Variants in NUDT3 observed in about 807,000 individuals in gnomAD.
NUDT3 encodes the protein nudix hydrolase 3, also known as diphosphoinositol polyphosphate phosphohydrolase 1.
NUDT3 carries 9 observed loss-of-function variants against 23.6 expected under a neutral mutation model. The observed-to-expected ratio is 0.38, with a 90% CI of 0.23 to 0.66. NUDT3 has a LOEUF of 0.66. Among genes scored for constraint, NUDT3 ranks in the 30% least tolerant of loss-of-function variants. The probability of loss-of-function intolerance (pLI) is 0.52; values close to 1 mark genes in which losing one functional copy is unlikely to be tolerated. For synonymous variants in NUDT3, 86 were observed against 82.6 expected (o/e 1.04, Z -0.22); for missense variants, 172 against 218.5 (o/e 0.79, Z 1.34).
intron 2 of NUDT3, among the ~76,000 whole-genome samples, chr6:34,295,971 C>T (rs1488160606): frequency 6.6e-6 from 1 of 152,178 alleles, no homozygotes; most frequent in Non-Finnish European, 1.5e-5. Context: ...CATGAAGCCA[C>T]CACACCAAAA....
intron 1 of NUDT3, among the ~76,000 whole-genome samples, chr6:34,357,323 AG>A (rs1445797650): frequency 1.3e-5 from 2 of 151,912 alleles, no homozygotes; most frequent in Non-Finnish European, 2.9e-5. Flanking sequence ...CCATAATAAA[AG>A]GTTTTTTTTT....
At chr6:34,343,961 A>G (rs1445457015) in intron 1 of NUDT3, among the ~76,000 whole-genome samples, 1 of 152,254 alleles carries the variant, frequency 6.6e-6, no homozygotes. Flanking sequence ...CATTAGGGAA[A>G]TGCAAAGTAA....
At chr6:34,297,760 A>ATATATTTT (rs1763535832) in intron 2 of NUDT3, among the ~76,000 whole-genome samples, 2 of 53,654 alleles carry the variant, frequency 3.7e-5, no homozygotes, top group Non-Finnish European at 6.2e-5. Context: ...TATATATATA[A>ATATATTTT]TTTTTTTTTT....
chr6:34,299,278 A>G (rs1337332997), intron 2 of NUDT3, among the ~76,000 whole-genome samples: 1 of 152,228 alleles, frequency 6.6e-6, no homozygotes, highest in Non-Finnish European at 1.5e-5. Context: ...GCAAAATTAT[A>G]CGAAAGCAGT....
At position 34,297,767 on chromosome 6, in the gene NUDT3, T is replaced by A. The variant is rs1464750222; in HGVS notation, c.211-2082A>T. On this transcript the variant is annotated intron_variant, in intron 2 of 4. Transcript: ENST00000607016. ...TATATATATATATATATAATTTTTT[T>A]TTTTTTTTTAGTAGAGACGGGGTTT... Among the ~76,000 whole-genome samples, 355 of 126,374 alleles carry A rather than the reference T, an allele frequency of 2.8e-3. 7 individuals are homozygous for A. Among genetic ancestry groups the A allele is most frequent in the African/African-American group, 6.5e-3 (213 of 32,912 alleles). 82.9% of individuals were successfully genotyped at this position (126,374 alleles called of 152,430 possible).
At chr6:34,329,284 A>C (rs1054817604) in intron 2 of NUDT3, among the ~76,000 whole-genome samples, 13 of 152,054 alleles carry the variant, frequency 8.5e-5, no homozygotes, top group African/African-American at 2.7e-4. Flanking sequence ...AAAAGAGAAC[A>C]ACCATTTTTT....
chr6:34,338,519 T>C (rs552836716), intron 2 of NUDT3, among the ~76,000 whole-genome samples: 2 of 152,346 alleles, frequency 1.3e-5, no homozygotes, highest in East Asian at 1.9e-4. Context: ...CAAATTTCTG[T>C]ATCCCCAATT....
chr6:34,331,109 G>A (rs1354224290), intron 2 of NUDT3, among the ~76,000 whole-genome samples: 1 of 152,068 alleles, frequency 6.6e-6, no homozygotes, highest in Non-Finnish European at 1.5e-5. Context: ...CCCACCTTGG[G>A]CTCCCAAAGT....
chr6:34,380,614 A>G (rs887300079), intron 1 of NUDT3, among the ~76,000 whole-genome samples: 7 of 152,204 alleles, frequency 4.6e-5, no homozygotes, highest in Non-Finnish European at 5.9e-5. Context: ...ACTGTTAGTT[A>G]CAGGGTTCAA....
chr6:34,304,045 G>A (rs925133420), intron 2 of NUDT3, among the ~76,000 whole-genome samples: 5 of 152,124 alleles, frequency 3.3e-5, no homozygotes, highest in Admixed American at 1.3e-4. Flanking sequence ...CAGAGGTCAG[G>A]AGTTCGAGAG....
intron 2 of NUDT3, among the ~76,000 whole-genome samples, chr6:34,311,031 A>G (rs77300936): frequency 0.095 from 14,444 of 151,954 alleles, 794 homozygotes; most frequent in Non-Finnish European, 0.12. Context: ...GGAACAGAGG[A>G]AGACTTCCTC....
chr6:34,350,700 AT>A (rs983740344), intron 1 of NUDT3, among the ~76,000 whole-genome samples: 4 of 150,448 alleles, frequency 2.7e-5, no homozygotes, highest in Admixed American at 2.0e-4. Context: ...ATTTAAAACT[AT>A]TTTTTTTAGC....
intron 1 of NUDT3, among the ~76,000 whole-genome samples, chr6:34,391,105 T>A (rs1420497645): frequency 1.3e-5 from 2 of 152,120 alleles, no homozygotes; most frequent in East Asian, 3.9e-4. Context: ...TAATTCAAAT[T>A]CCCACTTCCT....
intron 1 of NUDT3, among the ~76,000 whole-genome samples, chr6:34,367,886 T>C (rs1052890178): frequency 2.0e-5 from 3 of 152,152 alleles, no homozygotes; most frequent in African/African-American, 7.2e-5. Context: ...AGCTCAGGAC[T>C]GCCAGAAGAA....
At chr6:34,345,416 C>T (rs1764351214) in intron 1 of NUDT3, among the ~76,000 whole-genome samples, 1 of 151,682 alleles carries the variant, frequency 6.6e-6, no homozygotes, top group African/African-American at 2.4e-5. Flanking sequence ...GTAATCCCAG[C>T]ACTTAGGGAG....
Position 34,392,589 on chromosome 6 carries a change from G to T in NUDT3, c.-227C>A. On this transcript the variant is annotated 5_prime_UTR_variant, in exon 1 of 5. Coordinates refer to ENST00000607016, the MANE Select transcript of NUDT3 (RefSeq NM_006703.4). ...CGTCACGGCTGCCGTCTCCGCTGCC[G>T]CCAGGGCCGCCGCCCCCTCTGCCGC... The T allele has an allele frequency of 3.2e-6, 1 of 314,386 alleles. No individual in the cohort carries two copies. The highest frequency in any genetic ancestry group is 5.8e-6 in the Non-Finnish European group (1 of 172,828). 19.5% of individuals were successfully genotyped at this position (314,386 alleles called of 1,614,324 possible).
At chr6:34,340,111 C>A (rs1466861523) in intron 2 of NUDT3, among the ~76,000 whole-genome samples, 4 of 152,086 alleles carry the variant, frequency 2.6e-5, no homozygotes, top group African/African-American at 7.2e-5. Flanking sequence ...GTGTGTCCTG[C>A]ATTTGAAAAG....
rs761103600 is a variant in NUDT3 at position 34,293,475 on chromosome 6, C to G, written c.316G>C (p.Asp106His). Residue 106 changes from aspartate (D) to histidine (H), a missense_variant, in exon 4 of 5, where the codon GAC (aspartate) becomes CAC (histidine). By Grantham distance (81) the Asp-to-His change is moderately conservative (BLOSUM62 -1). Around this residue, in one of 3 missense-constraint regions of NUDT3, gnomAD observed 59 missense variants for 107.4 expected, o/e 0.55. Coordinates refer to ENST00000607016, the MANE Select transcript of NUDT3 (RefSeq NM_006703.4). The stretch of plus-strand genomic sequence containing the variant: ...CCAATGTTAACTGAATCTTCCCAGT[C>G]TTCCAGCACTTCAGTGACAATGAGC... ...YVLIVTEVLE[D>H]WEDSVNIGRK... The G allele has an allele frequency of 9.2e-5, 149 of 1,614,058 alleles. No individual in the cohort carries two copies. The highest frequency in any genetic ancestry group is 3.3e-5 in the Admixed American group (2 of 60,000).
chr6:34,306,457 G>A (rs940320959), intron 2 of NUDT3, among the ~76,000 whole-genome samples: 4 of 152,224 alleles, frequency 2.6e-5, no homozygotes, highest in South Asian at 4.1e-4. Flanking sequence ...AGTGTTTGCT[G>A]AAACCACTGT....
Sources: allele counts gnomAD v4.1 joint callset (sites outside exome capture counted in the v4.1 genomes callset), GRCh38; gene constraint gnomAD v4.1.1; regional missense constraint gnomAD v4.1.1; transcripts MANE v1.5; gene names NCBI Gene and HGNC (gene_info 2026-07-23, HGNC 2026-07-21).